Variants in ERCC6L2 observed in about 807,000 individuals in gnomAD.
ERCC6L2 encodes DNA excision repair protein ERCC-6-like 2.
Under a neutral mutation model 132.0 loss-of-function variants are expected in ERCC6L2, and 77 were observed. The observed-to-expected ratio is 0.58, with a 90% confidence interval of 0.49 to 0.71. The LOEUF (loss-of-function observed/expected upper bound fraction) is 0.71, where lower values mean the gene tolerates loss of function less well. Among genes scored for constraint, ERCC6L2 ranks in the 30% least tolerant of loss-of-function variants. ERCC6L2 has a pLI of 0.00. For synonymous variants in ERCC6L2, 583 were observed against 632.4 expected (o/e 0.92, Z 1.17); for missense variants, 1,542 against 1,837.6 (o/e 0.84, Z 2.94).
chr9:95,962,313 T>C (rs953093621), intron 13 of ERCC6L2, among the ~76,000 whole-genome samples: 1 of 152,152 alleles, frequency 6.6e-6, no homozygotes, highest in African/African-American at 2.4e-5. Flanking sequence ...GATGCTCATA[T>C]ACTACTGTTG....
intron 3 of ERCC6L2, among the ~76,000 whole-genome samples, chr9:95,904,266 C>T (rs994357280): frequency 6.6e-6 from 1 of 151,862 alleles, no homozygotes; most frequent in Non-Finnish European, 1.5e-5. Flanking sequence ...CACGTGGAAC[C>T]TTTGTTTCAA....
chr9:95,920,531 A>G (rs1206423786), intron 6 of ERCC6L2, among the ~76,000 whole-genome samples: 1 of 152,190 alleles, frequency 6.6e-6, no homozygotes, highest in African/African-American at 2.4e-5. Flanking sequence ...GAAGTTATAC[A>G]TGGACTTTTG....
At chr9:96,002,126 G>A (rs1833706827) in intron 17 of ERCC6L2, among the ~76,000 whole-genome samples, 1 of 152,204 alleles carries the variant, frequency 6.6e-6, no homozygotes. Flanking sequence ...GCAAGCTGAG[G>A]GAGTGGGCTC....
chr9:96,036,531 C>T (rs1834520721), intron 19 of ERCC6L2, among the ~76,000 whole-genome samples: 1 of 152,188 alleles, frequency 6.6e-6, no homozygotes, highest in South Asian at 2.1e-4. Context: ...GGCCACATAC[C>T]CAGAACTGGA....
chr9:95,966,812 AC>A, intron 14 of ERCC6L2, 98 bp downstream of exon 14: 1 of 1,083,516 alleles, frequency 9.2e-7, no homozygotes, highest in Non-Finnish European at 1.2e-6. Flanking sequence ...TTTCAGAGAA[AC>A]TTTTGGTTTT....
chr9:95,936,512 C>T (rs1830559209), intron 11 of ERCC6L2, among the ~76,000 whole-genome samples: 1 of 152,098 alleles, frequency 6.6e-6, no homozygotes, highest in South Asian at 2.1e-4. Flanking sequence ...CTTAAGAATC[C>T]ATTCTGTGTT....
intron 11 of ERCC6L2, among the ~76,000 whole-genome samples, chr9:95,932,505 A>C (rs1830384095): frequency 6.6e-6 from 1 of 152,094 alleles, no homozygotes; most frequent in Non-Finnish European, 1.5e-5. Context: ...ATCATCTGGC[A>C]TTTTTCCTGG....
intron 17 of ERCC6L2, among the ~76,000 whole-genome samples, chr9:95,990,342 G>A (rs1240568429): frequency 6.6e-6 from 1 of 152,222 alleles, no homozygotes; most frequent in Non-Finnish European, 1.5e-5. Flanking sequence ...TCAAGTATGT[G>A]TTGAATGAAG....
chr9:95,991,598 G>A (rs1005311010), intron 17 of ERCC6L2, among the ~76,000 whole-genome samples: 13 of 152,192 alleles, frequency 8.5e-5, no homozygotes, highest in African/African-American at 3.1e-4. Context: ...ACAATGGATA[G>A]TGCTTGTTGC....
At chr9:96,023,747 CT>C (rs1399936407) in intron 19 of ERCC6L2, among the ~76,000 whole-genome samples, 4 of 152,144 alleles carry the variant, frequency 2.6e-5, no homozygotes, top group African/African-American at 9.7e-5. Context: ...CACATAGAGA[CT>C]TAAAGGTTTT....
intron 4 of ERCC6L2, among the ~76,000 whole-genome samples, chr9:95,914,860 G>T (rs974914509): frequency 2.6e-5 from 4 of 150,958 alleles, no homozygotes; most frequent in African/African-American, 9.8e-5. Context: ...CTAATCCAGA[G>T]TCGCAAATTT....
chr9:95,951,807 A>G (rs373581237), intron 12 of ERCC6L2, among the ~76,000 whole-genome samples: 3 of 152,008 alleles, frequency 2.0e-5, no homozygotes, highest in Non-Finnish European at 4.4e-5. Context: ...GTAATCAAAA[A>G]CCTCCCAATA....
At chr9:95,931,890 A>G (rs762044362) in intron 11 of ERCC6L2, among the ~76,000 whole-genome samples, 1 of 148,714 alleles carries the variant, frequency 6.7e-6, no homozygotes, top group East Asian at 2.0e-4. Context: ...TTCTTTAACA[A>G]TGGCCTTTTT....
At chr9:95,895,780 T>C (rs1396556542) in intron 2 of ERCC6L2, among the ~76,000 whole-genome samples, 1 of 147,426 alleles carries the variant, frequency 6.8e-6, no homozygotes, top group Non-Finnish European at 1.5e-5. Context: ...CAGGCTGGAG[T>C]GTAGTGCGCG....
chr9:96,000,734 G>T (rs1255634176), intron 17 of ERCC6L2, among the ~76,000 whole-genome samples: 4 of 152,162 alleles, frequency 2.6e-5, no homozygotes, highest in Admixed American at 2.6e-4. Context: ...CCAGGGTCTT[G>T]CAGCATTACC....
chr9:95,990,581 G>A (rs967301052), intron 17 of ERCC6L2, among the ~76,000 whole-genome samples: 13 of 152,200 alleles, frequency 8.5e-5, no homozygotes, highest in East Asian at 1.9e-4. Context: ...AACTGGAGTG[G>A]CTCGTTTCAG....
At chr9:96,006,071 A>C (rs1469026649) in intron 18 of ERCC6L2, among the ~76,000 whole-genome samples, 1 of 152,208 alleles carries the variant, frequency 6.6e-6, no homozygotes, top group Non-Finnish European at 1.5e-5. Context: ...TTCTGTGGGA[A>C]GGTTCAGTAG....
At chr9:95,920,106 A>G (rs913583693) in intron 6 of ERCC6L2, among the ~76,000 whole-genome samples, 1 of 152,244 alleles carries the variant, frequency 6.6e-6, no homozygotes, top group Non-Finnish European at 1.5e-5. Context: ...GGCACCATAT[A>G]GAAACATTTT....
At chr9:95,879,849 CAGTG>C (rs1391921199) in intron 1 of ERCC6L2, among the ~76,000 whole-genome samples, 3 of 152,120 alleles carry the variant, frequency 2.0e-5, no homozygotes, top group South Asian at 2.1e-4. Flanking sequence ...TATCTGATCT[CAGTG>C]AGAAATGTAT....
Sources: gnomAD v4.1 joint callset for allele counts (sites outside exome capture counted in the v4.1 genomes callset) on GRCh38, gnomAD v4.1.1 for gene constraint, MANE v1.5 for transcripts, NCBI Gene and HGNC (gene_info 2026-07-23, HGNC 2026-07-21) for gene names.